Variants in FREM3 observed in about 807,000 individuals in gnomAD.
FREM3 encodes the protein FRAS1 related extracellular matrix 3.
In FREM3, 105 loss-of-function variants were observed where a neutral mutation model predicts 129.1. The ratio of observed to expected loss-of-function variants is 0.81; its 90% CI spans 0.69 to 0.96. The LOEUF (loss-of-function observed/expected upper bound fraction) is 0.96, where lower values mean the gene tolerates loss of function less well. Ranked by LOEUF, FREM3 falls within the 40% of genes least tolerant of loss-of-function variation. The pLI, the probability that FREM3 is intolerant of heterozygous loss-of-function variation, is 0.00. For synonymous variants in FREM3, 1,014 were observed against 1,044.9 expected, an observed-to-expected ratio of 0.97 and a Z score of 0.57; for missense variants, 2,593 against 2,666.3, an observed-to-expected ratio of 0.97 and a Z score of 0.61.
intron 4 of FREM3, among the ~76,000 whole-genome samples, chr4:143,621,496 C>T (rs945583116): frequency 2.6e-5 from 4 of 152,144 alleles, no homozygotes; most frequent in African/African-American, 9.7e-5. Context: ...TATGTACTTG[C>T]TTTACTTTTA....
rs70953742 is a variant in FREM3 at position 143,595,889 on chromosome 4, G to GAAAAAAAAAA, written c.6029-9906_6029-9897dup. Among the ~76,000 whole-genome samples, 256 of 110,586 alleles carry GAAAAAAAAAA rather than the reference G, an allele frequency of 2.3e-3. 3 individuals carry two copies. The highest frequency in any genetic ancestry group is 7.7e-3 in the African/African-American group (214 of 27,824). The allele number at this position is 110,586 out of a possible 152,430, so 72.5% of individuals were successfully genotyped here. On this transcript the variant is annotated intron_variant, in intron 6 of 7. Transcript: ENST00000329798. Reference sequence around the variant, plus strand: ...GGCGACAGAGCGAGACGCCATCTCAGAAAAAAAAAAAAAAAGAAGGAACTG... The same window carrying GAAAAAAAAAA: ...GGCGACAGAGCGAGACGCCATCTCAGAAAAAAAAAAAAAAAAAAAAAAAAAGAAGGAACTG...
intron 2 of FREM3, among the ~76,000 whole-genome samples, chr4:143,691,038 T>C (rs1454119358): frequency 2.0e-5 from 3 of 152,158 alleles, no homozygotes; most frequent in African/African-American, 7.2e-5. Flanking sequence ...AAAAAATCTT[T>C]AAAGAAATGA....
chr4:143,577,994 C>T, intron 7 of FREM3, 142 bp from the exon 8 acceptor site: 1 of 978,196 alleles, frequency 1.0e-6, no homozygotes, highest in Admixed American at 2.9e-5. Flanking sequence ...TGGGTTTGAT[C>T]CCCAGAAGGG....
chr4:143,626,075 G>A (rs1433685651), intron 3 of FREM3, among the ~76,000 whole-genome samples: 1 of 152,162 alleles, frequency 6.6e-6, no homozygotes, highest in Non-Finnish European at 1.5e-5. Flanking sequence ...TTAGCCTGGG[G>A]TGGAGTTGGG....
chr4:143,643,420 G>A (rs1028823187), intron 2 of FREM3, among the ~76,000 whole-genome samples: 16 of 5,254 alleles, frequency 3.0e-3, no homozygotes, highest in Non-Finnish European at 4.4e-3. Flanking sequence ...GAAACACAAT[G>A]TTTTATTATA....
chr4:143,676,875 G>C (rs1740143555), intron 2 of FREM3, among the ~76,000 whole-genome samples: 1 of 151,982 alleles, frequency 6.6e-6, no homozygotes. Flanking sequence ...ACAAACCACT[G>C]CTCAATGAAA....
At chr4:143,582,883 AAATT>A (rs1417518693) in intron 7 of FREM3, among the ~76,000 whole-genome samples, 1 of 142,742 alleles carries the variant, frequency 7.0e-6, no homozygotes, top group Non-Finnish European at 1.5e-5. Context: ...TATTATTTTT[AAATT>A]AATTAATTTA....
chr4:143,600,994 G>A (rs1438275776), intron 6 of FREM3, among the ~76,000 whole-genome samples: 4 of 146,840 alleles, frequency 2.7e-5, no homozygotes, highest in Non-Finnish European at 6.0e-5. Context: ...GTTGGGTAAT[G>A]GCCTCTAAAA....
chr4:143,612,562 G>C (rs189626177), intron 5 of FREM3, among the ~76,000 whole-genome samples: 2,231 of 152,156 alleles, frequency 0.015, 47 homozygotes, highest in African/African-American at 0.051. Context: ...TGTATAGGTT[G>C]TTGCAAAAGC....
intron 2 of FREM3, among the ~76,000 whole-genome samples, chr4:143,663,016 A>G (rs1056852340): frequency 2.0e-5 from 3 of 152,104 alleles, no homozygotes; most frequent in Non-Finnish European, 2.9e-5. Context: ...CAGCACACTG[A>G]TGGGTCTTGA....
chr4:143,592,185 G>A (rs189446748), intron 6 of FREM3, among the ~76,000 whole-genome samples: 7 of 151,926 alleles, frequency 4.6e-5, no homozygotes, highest in Non-Finnish European at 8.8e-5. Context: ...GGGTCTTGAC[G>A]CTTTATCTAA....
At chr4:143,624,444 G>T (rs1381979597) in intron 3 of FREM3, 106 bp from the exon 4 acceptor site, 1 of 686,956 alleles carries the variant, frequency 1.5e-6, no homozygotes, top group East Asian at 2.7e-5. Context: ...CATAGAAATT[G>T]TTTCTTTTAA....
At chr4:143,586,043 T>C (rs771581011) in intron 6 of FREM3, 50 bp from the exon 7 acceptor site, 12 of 1,522,256 alleles carry the variant, frequency 7.9e-6, no homozygotes, top group Non-Finnish European at 1.1e-5. Flanking sequence ...CTGCCTGGTA[T>C]ACTGTCTCCT....
At chr4:143,662,121 C>T (rs1369170161) in intron 2 of FREM3, among the ~76,000 whole-genome samples, 1 of 151,810 alleles carries the variant, frequency 6.6e-6, no homozygotes, top group Admixed American at 6.6e-5. Context: ...TTATTTCTTG[C>T]CTTCTGCTAG....
chr4:143,671,780 G>A (rs1010244790), intron 2 of FREM3, among the ~76,000 whole-genome samples: 3 of 152,164 alleles, frequency 2.0e-5, no homozygotes, highest in Admixed American at 2.0e-4. Context: ...TAGGTGCGAA[G>A]AATTCTAATT....
chr4:143,612,334 G>A lies in FREM3; in HGVS notation c.5780-807C>T, dbSNP rs143823905. 2.6e-3 allele frequency among the ~76,000 whole-genome samples: 399 copies of A among 152,284 alleles called. 3 individuals carry two copies. Among genetic ancestry groups the A allele is most frequent in the African/African-American group, 8.4e-3 (349 of 41,556 alleles). ...TTATGAGAAATTTCATACAAATGAA[G>A]CATATGTTTTGATTCTTTCATTTAG... On this transcript the variant is annotated intron_variant, in intron 5 of 7. Transcript: ENST00000329798.
In FREM3 at chr4:143,697,767, C is replaced by T. The variant is rs780478292; in HGVS notation, c.2909G>A (p.Gly970Asp). The T allele has an allele frequency of 3.3e-6, 5 of 1,537,458 alleles. No individual in the cohort carries two copies. The highest frequency in any genetic ancestry group is 4.4e-6 in the Non-Finnish European group (5 of 1,146,898). The change falls in exon 1 of 8, where the codon GGT (glycine) becomes GAT (aspartate). Residue 970 changes from glycine to aspartate, a missense_variant. Gly to Asp is a moderately conservative substitution (Grantham distance 94). Around this residue, in one of 2 missense-constraint regions of FREM3, gnomAD observed 2,276 missense variants for 2,267.2 expected, o/e 1.00. Coordinates refer to ENST00000329798, the MANE Select transcript of FREM3 (RefSeq NM_001168235.2). ...LENKATEITM[G>D]VIHGKRKDVG... ...ATCCTTCCTTTTGCCATGGATGACA[C>T]CCATGGTAATTTCAGTGGCTTTATT...
intron 6 of FREM3, among the ~76,000 whole-genome samples, chr4:143,591,744 T>C (rs958585657): frequency 6.6e-6 from 1 of 152,194 alleles, no homozygotes; most frequent in Non-Finnish European, 1.5e-5. Context: ...GTTCTGTAGA[T>C]GTCTATGAGG....
intron 6 of FREM3, among the ~76,000 whole-genome samples, chr4:143,594,324 C>A (rs1014396964): frequency 6.6e-6 from 1 of 152,306 alleles, no homozygotes; most frequent in African/African-American, 2.4e-5. Flanking sequence ...GTCGCTCACG[C>A]TGGGAGCTGT....
Sources: allele counts gnomAD v4.1 joint callset (sites outside exome capture counted in the v4.1 genomes callset), GRCh38; gene constraint gnomAD v4.1.1; regional missense constraint gnomAD v4.1.1; transcripts MANE v1.5; gene names NCBI Gene and HGNC (gene_info 2026-07-23, HGNC 2026-07-21).